The following DNASE1 variants were observed in gnomAD, a reference collection of about 807,000 sequenced individuals.
DNASE1 encodes the protein deoxyribonuclease-1.
Under a neutral mutation model 33.9 loss-of-function variants are expected in DNASE1, and 40 were observed. That is an observed-to-expected ratio of 1.18 (90% CI 0.92 to 1.54). The LOEUF is 1.54. DNASE1 is among the 40% of genes most tolerant of loss of function. DNASE1 has a pLI of 0.00. For missense variants in DNASE1, 518 were observed against 372.6 expected, an observed-to-expected ratio of 1.39 and a Z score of -3.21; for synonymous variants, 216 against 160.0, an observed-to-expected ratio of 1.35 and a Z score of -2.64.
At chr16:3,663,663 C>G in exon 10 of DNASE1, 1 of 1,499,082 alleles carries the variant, frequency 6.7e-7, no homozygotes, top group Non-Finnish European at 9.0e-7. Flanking sequence ...CCAAGCGGGC[C>G]ACACTGGGGA....
chr16:3,662,835 T>C (rs777234564), downstream of DNASE1: 133 of 1,592,796 alleles, frequency 8.4e-5, 1 homozygote, highest in South Asian at 1.3e-3. Context: ...GCCAGCCTGT[T>C]AGGGACACTG....
chr16:3,655,719 C>T, intron 2 of DNASE1, 130 bp from the exon 3 acceptor site: 1 of 1,408,152 alleles, frequency 7.1e-7, no homozygotes, highest in Non-Finnish European at 9.9e-7. Flanking sequence ...CAGCAGGAGC[C>T]CAGGCAGAAA....
rs998875098 is a variant in DNASE1 at position 3,656,843 on chromosome 16, C to T, written c.436+90C>T. 6 of 1,541,600 alleles carry T rather than the reference C, an allele frequency of 3.9e-6. No homozygotes were observed. The South Asian group carries it at 4.7e-5, about 12-fold the overall frequency. On this transcript the variant is annotated intron_variant, in intron 5 of 8. Coordinates refer to ENST00000246949, the MANE Select transcript of DNASE1 (RefSeq NM_005223.4). Reference sequence around the variant, plus strand: ...GAACCTGGAATGCCTGTGTCACACACTGCCCTCCCAGTCCCTGGGGCTTGG... The same window carrying T: ...GAACCTGGAATGCCTGTGTCACACATTGCCCTCCCAGTCCCTGGGGCTTGG...
upstream of DNASE1, chr16:3,654,600 G>A (rs541777743): frequency 7.5e-6 from 3 of 398,702 alleles, no homozygotes; most frequent in African/African-American, 6.2e-5. Flanking sequence ...CTGGAAGATG[G>A]GGGCCACCAC....
intron 1 of DNASE1, among the ~76,000 whole-genome samples, chr16:3,615,762 T>C (rs1281236552): frequency 1.3e-5 from 2 of 152,222 alleles, no homozygotes; most frequent in African/African-American, 2.4e-5. Flanking sequence ...AAGGCAAAGG[T>C]TGAAGATGCT....
chr16:3,663,161 T>C (rs1403715680), exon 10 of DNASE1: 2 of 659,518 alleles, frequency 3.0e-6, no homozygotes, highest in African/African-American at 3.6e-5. Flanking sequence ...ACAACTTGGT[T>C]AGGGCTTTAA....
chr16:3,658,226 T>TATATCTGAAAGGCAAG (rs1222674354), downstream of DNASE1: 1 of 1,613,198 alleles, frequency 6.2e-7, no homozygotes, highest in Admixed American at 1.7e-5. Context: ...GGCGTTCTCG[T>TATATCTGAAAGGCAAG]ATATCTGAAA....
At chr16:3,664,665 G>A (rs891799225) in exon 10 of DNASE1, 1 of 568,506 alleles carries the variant, frequency 1.8e-6, no homozygotes, top group Non-Finnish European at 3.0e-6. Flanking sequence ...TGGGGGCTTA[G>A]GAAGCACCTC....
upstream of DNASE1, among the ~76,000 whole-genome samples, chr16:3,640,004 T>C (rs2041986135): frequency 6.6e-6 from 1 of 152,228 alleles, no homozygotes. Context: ...AGCGATCCTT[T>C]AGAGACTTCT....
chr16:3,623,034 C>T (rs1342178910), intron 1 of DNASE1, among the ~76,000 whole-genome samples: 2 of 152,046 alleles, frequency 1.3e-5, no homozygotes, highest in Non-Finnish European at 2.9e-5. Context: ...TCTAATGTAC[C>T]TGCCCCCCAC....
rs757225428 is a variant in DNASE1 at position 3,657,949 on chromosome 16, A to AGT, written c.847_848dup (p.Ter283CysfsTer40). The AGT allele has an allele frequency of 6.2e-7, 1 of 1,614,052 alleles. No individual in the cohort carries two copies. Among genetic ancestry groups the AGT allele is most frequent in the Non-Finnish European group, 8.5e-7 (1 of 1,180,008 alleles). On this transcript the variant is annotated frameshift_variant, in exon 9 of 9. Transcript: ENST00000246949. LOFTEE classifies it high-confidence loss of function. ...CACTATCCAGTGGAGGTGATGCTGA[A>AGT]GTGAGCAGCCCCTCCCCACACCAGT...
chr16:3,617,943 C>T (rs555738920), intron 1 of DNASE1, among the ~76,000 whole-genome samples: 254 of 152,144 alleles, frequency 1.7e-3, no homozygotes, highest in African/African-American at 5.7e-3. Context: ...TATTAGCTAC[C>T]CAGTCTGTGG....
rs370925031 is a variant in DNASE1 at position 3,656,983 on chromosome 16, G to T, written c.437-16G>T. The stretch of plus-strand genomic sequence containing the variant: ...CCCCAGGGAGTGTGCCTCACACGAC[G>T]TGGCTGTCTCCACAGAGGTCAGGGA... On this transcript the variant is annotated splice_polypyrimidine_tract_variant and intron_variant, in intron 5 of 8. Coordinates refer to ENST00000246949, the MANE Select transcript of DNASE1 (RefSeq NM_005223.4). 1.1e-5 allele frequency: 18 copies of T among 1,612,156 alleles called. No individual in the cohort carries two copies. The highest frequency in any genetic ancestry group is 1.4e-5 in the Non-Finnish European group (16 of 1,179,484).
At chr16:3,664,207 G>C in exon 10 of DNASE1, 1 of 1,447,442 alleles carries the variant, frequency 6.9e-7, no homozygotes, top group South Asian at 1.4e-5. Flanking sequence ...CCAGCACAGA[G>C]CTGAGAAGGT....
At chr16:3,658,944 G>T, downstream of DNASE1, 1 of 1,435,842 alleles carries the variant, frequency 7.0e-7, no homozygotes, top group Non-Finnish European at 9.7e-7. Context: ...GGATTATCAG[G>T]ATATTTAAAG....
chr16:3,639,203 C>T (rs1262731994), upstream of DNASE1, among the ~76,000 whole-genome samples: 2 of 152,206 alleles, frequency 1.3e-5, no homozygotes, highest in East Asian at 3.9e-4. Flanking sequence ...ACATTTCTCC[C>T]TTGCCCCATG....
At chr16:3,660,376 C>T (rs1031385122), downstream of DNASE1, 5 of 152,272 alleles carry the variant, frequency 3.3e-5, no homozygotes, top group African/African-American at 1.2e-4. Flanking sequence ...GTGGCTCTCG[C>T]CTGTAATCCC....
downstream of DNASE1, chr16:3,659,021 A>G (rs1230134099): frequency 8.3e-6 from 6 of 723,142 alleles, no homozygotes; most frequent in East Asian, 1.7e-4. Context: ...AGATAATATC[A>G]TTATATACCC....
intron 1 of DNASE1, among the ~76,000 whole-genome samples, chr16:3,612,686 G>C (rs756074423): frequency 6.6e-6 from 1 of 151,974 alleles, no homozygotes. Context: ...TGAGATTACA[G>C]GCGTGAGCCA....
Sources: gnomAD v4.1 joint callset for allele counts (sites outside exome capture counted in the v4.1 genomes callset) on GRCh38, gnomAD v4.1.1 for gene constraint, MANE v1.5 for transcripts, NCBI Gene and HGNC (gene_info 2026-07-23, HGNC 2026-07-21) for gene names.